Variants in NCALD observed in about 807,000 individuals in gnomAD.
NCALD encodes neurocalcin delta, also known as neurocalcin-delta.
In NCALD, 10 loss-of-function variants were observed where a neutral mutation model predicts 18.6. The observed-to-expected ratio is 0.54, with a 90% CI of 0.33 to 0.91. NCALD has a LOEUF of 0.91. Among genes scored for constraint, NCALD ranks in the 40% least tolerant of loss-of-function variants. The probability of loss-of-function intolerance (pLI) is 0.03; values close to 1 mark genes in which losing one functional copy is unlikely to be tolerated. For missense variants in NCALD, 184 were observed against 247.6 expected (o/e 0.74, Z 1.72); for synonymous variants, 88 against 87.4 (o/e 1.01, Z -0.04).
chr8:101,707,695 GT>G (rs1386826142), intron 2 of NCALD, among the ~76,000 whole-genome samples: 11 of 152,050 alleles, frequency 7.2e-5, no homozygotes, highest in Non-Finnish European at 1.5e-4. Context: ...AGGAGAGAAA[GT>G]TTGACTCTAA....
chr8:102,014,879 G>A (rs1231220733), intron 2 of NCALD, among the ~76,000 whole-genome samples: 2 of 152,162 alleles, frequency 1.3e-5, no homozygotes, highest in Non-Finnish European at 2.9e-5. Context: ...CGGGGATCTT[G>A]TTCAAATGCA....
intron 1 of NCALD, among the ~76,000 whole-genome samples, chr8:102,060,338 C>A (rs1823806293): frequency 6.6e-6 from 1 of 152,166 alleles, no homozygotes; most frequent in Non-Finnish European, 1.5e-5. Flanking sequence ...AGAGAACATA[C>A]TTTGAGAATC....
intron 1 of NCALD, among the ~76,000 whole-genome samples, chr8:101,776,211 C>A (rs1028024386): frequency 2.6e-5 from 4 of 152,098 alleles, no homozygotes; most frequent in Non-Finnish European, 5.9e-5. Context: ...ATGGAAAGAA[C>A]AAATGGCCTG....
intron 2 of NCALD, among the ~76,000 whole-genome samples, chr8:101,709,811 T>C (rs1815701443): frequency 6.6e-6 from 1 of 152,202 alleles, no homozygotes; most frequent in South Asian, 2.1e-4. Context: ...GAGTGGTGGG[T>C]TGACCTCAGC....
intron 2 of NCALD, among the ~76,000 whole-genome samples, chr8:101,694,814 G>A (rs1177947064): frequency 1.3e-5 from 2 of 152,176 alleles, no homozygotes; most frequent in East Asian, 3.9e-4. Flanking sequence ...GGACACGTAA[G>A]TTCTTGGGGG....
chr8:102,004,611 A>G (rs995086179), intron 2 of NCALD, among the ~76,000 whole-genome samples: 5 of 152,094 alleles, frequency 3.3e-5, no homozygotes, highest in African/African-American at 1.2e-4. Context: ...GAGGTGTCAC[A>G]CTACCTGACT....
intron 2 of NCALD, among the ~76,000 whole-genome samples, chr8:101,711,114 C>T (rs897074478): frequency 1.3e-5 from 2 of 152,076 alleles, no homozygotes; most frequent in African/African-American, 4.8e-5. Flanking sequence ...CTGGTGATAC[C>T]CAGGCAAACA....
chr8:101,856,179 T>C (rs1346953539), intron 4 of NCALD, among the ~76,000 whole-genome samples: 1 of 152,202 alleles, frequency 6.6e-6, no homozygotes, highest in African/African-American at 2.4e-5. Flanking sequence ...TGGTTTGGTT[T>C]GGTCCTTTTT....
rs1389258109 is a variant in NCALD, at chr8:102,095,419, C to T, written c.-210+28818G>A. On this transcript the variant is annotated intron_variant, in intron 1 of 6. Coordinates refer to the NCALD transcript ENST00000311028. ...AACACCTCATTTTTTTCCAATTGCC[C>T]AAAATGAGGCCATAAAAGGTAAACC... Among the ~76,000 whole-genome samples, 3 of 152,048 alleles carry T rather than the reference C, an allele frequency of 2.0e-5. No individual in the cohort carries two copies. The East Asian group carries it at 5.8e-4, about 29-fold the overall frequency.
At chr8:101,840,169 G>A (rs568235680) in intron 4 of NCALD, among the ~76,000 whole-genome samples, 1 of 151,514 alleles carries the variant, frequency 6.6e-6, no homozygotes, top group African/African-American at 2.4e-5. Context: ...AAATATTCCT[G>A]TGAGGATCCT....
intron 1 of NCALD, among the ~76,000 whole-genome samples, chr8:102,109,671 A>G (rs1025353434): frequency 6.6e-6 from 1 of 152,236 alleles, no homozygotes; most frequent in Non-Finnish European, 1.5e-5. Context: ...TTATGTCCAC[A>G]ATATATATTT....
intron 1 of NCALD, among the ~76,000 whole-genome samples, chr8:102,039,795 T>G (rs1260761658): frequency 6.6e-6 from 1 of 152,110 alleles, no homozygotes; most frequent in African/African-American, 2.4e-5. Context: ...CCCTCATTAA[T>G]AGATTAATGC....
intron 2 of NCALD, among the ~76,000 whole-genome samples, chr8:102,015,951 T>A (rs547412794): frequency 6.6e-6 from 1 of 151,984 alleles, no homozygotes; most frequent in Non-Finnish European, 1.5e-5. Context: ...AGAAGAAGGG[T>A]GGGGCTGGAG....
intron 1 of NCALD, among the ~76,000 whole-genome samples, chr8:102,047,771 T>C (rs1563572474): frequency 6.6e-6 from 1 of 152,208 alleles, no homozygotes; most frequent in Non-Finnish European, 1.5e-5. Context: ...ATTATTATTC[T>C]TCCCATTTTT....
intron 2 of NCALD, among the ~76,000 whole-genome samples, chr8:101,703,274 T>C (rs763974821): frequency 2.0e-5 from 3 of 152,236 alleles, no homozygotes; most frequent in Non-Finnish European, 4.4e-5. Context: ...TTCATCTTTG[T>C]ATGTTTTGGA....
intron 4 of NCALD, among the ~76,000 whole-genome samples, chr8:101,866,607 G>A (rs999096924): frequency 2.0e-5 from 3 of 151,886 alleles, no homozygotes; most frequent in African/African-American, 7.3e-5. Flanking sequence ...TTCCATTCTG[G>A]TTGTTTAAAC....
intron 1 of NCALD, among the ~76,000 whole-genome samples, chr8:101,788,109 C>T (rs1320202730): frequency 6.6e-6 from 1 of 152,164 alleles, no homozygotes; most frequent in African/African-American, 2.4e-5. Flanking sequence ...CCTTTTCATG[C>T]AGAATTTAGA....
chr8:101,742,703 C>T lies in NCALD; in HGVS notation c.-19-23055G>A, dbSNP rs537169365. On this transcript the variant is annotated intron_variant, in intron 1 of 3. Transcript: ENST00000220931. ...TTAGGTTCCAGGATACGGTACAGAA[C>T]GTGCAGGTAGGTTTGTTACATAGGT... 5.5e-4 allele frequency among the ~76,000 whole-genome samples: 83 copies of T among 152,144 alleles called. 3 individuals are homozygous for T. The South Asian group carries it at 0.016, about 29-fold the overall frequency.
chr8:102,106,203 G>A (rs1249793422), intron 1 of NCALD, among the ~76,000 whole-genome samples: 1 of 151,604 alleles, frequency 6.6e-6, no homozygotes, highest in Non-Finnish European at 1.5e-5. Context: ...CCAAGTAGCT[G>A]GAATTACAGG....
Sources: gnomAD v4.1 joint callset for allele counts (sites outside exome capture counted in the v4.1 genomes callset) on GRCh38, gnomAD v4.1.1 for gene constraint, MANE v1.5 for transcripts, NCBI Gene and HGNC (gene_info 2026-07-23, HGNC 2026-07-21) for gene names.